The following CFAP95 variants were observed in gnomAD, a reference collection of about 807,000 sequenced individuals.
CFAP95 encodes cilia and flagella associated protein 95, also known as cilia- and flagella-associated protein 95.
chr9:69,854,453 G>A, the CFAP95 span, among the ~76,000 whole-genome samples: 363 of 152,328 alleles, frequency 2.4e-3, 2 homozygotes, highest in African/African-American at 8.1e-3. Context: ...GTGGACAGAT[G>A]GATGAATGAA....
chr9:69,848,358 G>A, the CFAP95 span, among the ~76,000 whole-genome samples: 1 of 152,120 alleles, frequency 6.6e-6, no homozygotes, highest in Non-Finnish European at 1.5e-5. Context: ...AAAAGAAGGA[G>A]AGATGGGAGG....
chr9:69,887,123 A>G, the CFAP95 span, among the ~76,000 whole-genome samples: 2 of 152,210 alleles, frequency 1.3e-5, no homozygotes, highest in East Asian at 3.8e-4. Context: ...TCTAAAGTAT[A>G]TTAGACACTT....
the CFAP95 span, among the ~76,000 whole-genome samples, chr9:69,878,475 G>A: frequency 6.6e-6 from 1 of 152,124 alleles, no homozygotes; most frequent in Non-Finnish European, 1.5e-5. Context: ...GCTCTGATTT[G>A]GCTCTACGGA....
At chr9:69,870,258 A>G in the CFAP95 span, among the ~76,000 whole-genome samples, 980 of 152,322 alleles carry the variant, frequency 6.4e-3, 11 homozygotes, top group African/African-American at 0.022. Flanking sequence ...TATAGAAAAA[A>G]AAGACATCAG....
the CFAP95 span, among the ~76,000 whole-genome samples, chr9:69,869,389 G>A: frequency 6.6e-6 from 1 of 152,126 alleles, no homozygotes; most frequent in Admixed American, 6.5e-5. Flanking sequence ...CTTCTACGTG[G>A]AATCTAAAAC....
the CFAP95 span, among the ~76,000 whole-genome samples, chr9:69,872,644 C>T: frequency 6.6e-6 from 1 of 152,108 alleles, no homozygotes; most frequent in Admixed American, 6.6e-5. Flanking sequence ...TTTCATCTTT[C>T]CTCTCCACCT....
At chr9:69,840,697 T>C in the CFAP95 span, among the ~76,000 whole-genome samples, 3 of 152,246 alleles carry the variant, frequency 2.0e-5, no homozygotes, top group Non-Finnish European at 2.9e-5. Context: ...TATATTTTAC[T>C]ATATTTCATA....
At chr9:69,895,753 A>G in the CFAP95 span, among the ~76,000 whole-genome samples, 2 of 152,170 alleles carry the variant, frequency 1.3e-5, no homozygotes, top group African/African-American at 2.4e-5. Flanking sequence ...GAGATACCCT[A>G]TTTCTCCAGA....
At chr9:69,897,838 G>C in the CFAP95 span, among the ~76,000 whole-genome samples, 1 of 152,044 alleles carries the variant, frequency 6.6e-6, no homozygotes, top group African/African-American at 2.4e-5. Context: ...GTGGGTTGGG[G>C]GAACCACTCA....
chr9:69,904,892 G>A, the CFAP95 span, among the ~76,000 whole-genome samples: 54 of 152,272 alleles, frequency 3.5e-4, no homozygotes, highest in African/African-American at 1.3e-3. Context: ...ATTGATAAAG[G>A]TTTTGTTAGG....
the CFAP95 span, chr9:69,886,759 G>A: frequency 5.9e-6 from 6 of 1,008,936 alleles, no homozygotes; most frequent in Admixed American, 6.1e-5. Flanking sequence ...TTTATTTCAT[G>A]TAAAGTGTAT....
At chr9:69,886,708 G>A in the CFAP95 span, 1 of 640,816 alleles carries the variant, frequency 1.6e-6, no homozygotes, top group South Asian at 2.0e-5. Context: ...ACAGTTGTGG[G>A]GTTTTAAATT....
chr9:69,829,869 C>A, the CFAP95 span, among the ~76,000 whole-genome samples: 2 of 152,132 alleles, frequency 1.3e-5, no homozygotes, highest in African/African-American at 2.4e-5. Flanking sequence ...CTCTGGGAAC[C>A]CATCCCCATT....
the CFAP95 span, among the ~76,000 whole-genome samples, chr9:69,887,192 C>A: frequency 6.5e-3 from 982 of 152,208 alleles, 11 homozygotes; most frequent in African/African-American, 0.022. Flanking sequence ...GAATAAGAAC[C>A]CACTTTCTAT....
the CFAP95 span, chr9:69,856,750 G>A: frequency 1.1e-6 from 1 of 906,440 alleles, no homozygotes; most frequent in South Asian, 1.6e-5. Context: ...AAAAGGTATA[G>A]TGACCCCAGT....
chr9:69,883,885 A>G, the CFAP95 span, among the ~76,000 whole-genome samples: 3 of 151,218 alleles, frequency 2.0e-5, no homozygotes, highest in Non-Finnish European at 4.4e-5. Flanking sequence ...AAATTCATTT[A>G]TTTCTACTCT....
the CFAP95 span, among the ~76,000 whole-genome samples, chr9:69,836,826 C>A: frequency 6.6e-6 from 1 of 150,512 alleles, no homozygotes; most frequent in Admixed American, 6.6e-5. Context: ...GTGCGCTGCA[C>A]TCACTAACTC....
the CFAP95 span, among the ~76,000 whole-genome samples, chr9:69,824,486 C>T: frequency 2.6e-5 from 4 of 151,834 alleles, no homozygotes; most frequent in African/African-American, 9.7e-5. Flanking sequence ...TCAAACAAAG[C>T]AAGCAACGCT....
At chr9:69,827,099 T>A in the CFAP95 span, among the ~76,000 whole-genome samples, 9 of 152,220 alleles carry the variant, frequency 5.9e-5, no homozygotes, top group Non-Finnish European at 1.5e-5. Context: ...GCTAAGCTTG[T>A]GCTGTTCCTA....
Sources: gnomAD v4.1 joint callset for allele counts (sites outside exome capture counted in the v4.1 genomes callset) on GRCh38, gnomAD v4.1.1 for gene constraint, MANE v1.5 for transcripts, NCBI Gene and HGNC (gene_info 2026-07-23, HGNC 2026-07-21) for gene names.